The following GCSAML variants were observed in gnomAD, a reference collection of about 807,000 sequenced individuals.
GCSAML encodes germinal center associated signaling and motility like.
In GCSAML, 9 loss-of-function variants were observed where a neutral mutation model predicts 13.0. The observed-to-expected ratio is 0.69, with a 90% CI of 0.42 to 1.21. The LOEUF is 1.21. GCSAML is among the 50% of genes most tolerant of loss of function. The pLI is 0.00. For missense variants in GCSAML, 143 were observed against 153.4 expected, an observed-to-expected ratio of 0.93 and a Z score of 0.36; for synonymous variants, 37 against 52.9, an observed-to-expected ratio of 0.70 and a Z score of 1.31.
In GCSAML at chr1:247,575,938, A is replaced by T. The variant is rs534346214; in HGVS notation, c.*1556A>T. 52 of 152,304 alleles carry T rather than the reference A, an allele frequency of 3.4e-4. No homozygotes were observed. Among genetic ancestry groups the T allele is most frequent in the African/African-American group, 1.2e-3 (50 of 41,576 alleles). 9.4% of individuals were successfully genotyped at this position (152,304 alleles called of 1,614,324 possible). A position where few individuals can be genotyped will look rare whatever the true frequency, so the allele number is the denominator to read the frequency against. On this transcript the variant is annotated 3_prime_UTR_variant, in exon 5 of 5. Coordinates refer to ENST00000366488, the MANE Select transcript of GCSAML (RefSeq NM_145278.5). ...AAAAGCCTTAATTGACAATGCATTC[A>T]TTATATATTTTTTTGTATAGTTACA...
chr1:247,541,692 G>T (rs1302415938), intron 2 of GCSAML, among the ~76,000 whole-genome samples: 2 of 152,214 alleles, frequency 1.3e-5, no homozygotes, highest in African/African-American at 4.8e-5. Flanking sequence ...TTTAAGAATG[G>T]CAGAGGACTC....
At chr1:247,531,782 A>G (rs1666973463) in intron 2 of GCSAML, 1 of 1,614,072 alleles carries the variant, frequency 6.2e-7, no homozygotes, top group African/African-American at 1.3e-5. Context: ...GCCACGTGGG[A>G]AGAACAGGTG....
intron 1 of GCSAML, among the ~76,000 whole-genome samples, chr1:247,553,593 T>C (rs1667852339): frequency 6.6e-6 from 1 of 152,204 alleles, no homozygotes. Context: ...ATTCTACTTT[T>C]TAAAAAAATA....
intron 1 of GCSAML, among the ~76,000 whole-genome samples, chr1:247,513,861 A>G (rs1666125511): frequency 6.6e-6 from 1 of 152,120 alleles, no homozygotes; most frequent in South Asian, 2.1e-4. Context: ...AACCAGTCCC[A>G]GTGAGATGAG....
chr1:247,511,922 C>G (rs1666052808), intron 1 of GCSAML, among the ~76,000 whole-genome samples: 2 of 152,202 alleles, frequency 1.3e-5, no homozygotes, highest in Non-Finnish European at 2.9e-5. Flanking sequence ...CGACCTTTCT[C>G]TCTGACTGCC....
chr1:247,565,901 T>G (rs1040737037), intron 3 of GCSAML, 30 bp from the exon 4 acceptor site: 1 of 1,537,604 alleles, frequency 6.5e-7, no homozygotes, highest in Non-Finnish European at 8.8e-7. Flanking sequence ...CTTTCCTTTC[T>G]TTCTTTTTTT....
At chr1:247,531,685 G>T in intron 2 of GCSAML, 1 of 1,614,180 alleles carries the variant, frequency 6.2e-7, no homozygotes, top group East Asian at 2.2e-5. Flanking sequence ...GTAGAACAGA[G>T]CTATGAACTT....
intron 2 of GCSAML, among the ~76,000 whole-genome samples, chr1:247,562,920 A>G (rs933605351): frequency 1.3e-5 from 2 of 151,298 alleles, no homozygotes; most frequent in East Asian, 3.9e-4. Context: ...GCTCGCTGCA[A>G]CCTCTGCCTC....
chr1:247,528,496 A>G (rs1666777423), intron 2 of GCSAML: 1 of 152,222 alleles, frequency 6.6e-6, no homozygotes, highest in African/African-American at 2.4e-5. Flanking sequence ...CCCATATTTC[A>G]TGTTTAGCCA....
At chr1:247,550,905 A>G (rs1387578913) in intron 1 of GCSAML, among the ~76,000 whole-genome samples, 1 of 152,236 alleles carries the variant, frequency 6.6e-6, no homozygotes, top group Non-Finnish European at 1.5e-5. Context: ...AGCAAATTTT[A>G]AAAATGGATA....
chr1:247,551,123 A>G (rs914486685), intron 1 of GCSAML, among the ~76,000 whole-genome samples: 1 of 152,226 alleles, frequency 6.6e-6, no homozygotes, highest in Non-Finnish European at 1.5e-5. Context: ...AAGATAAGGC[A>G]GGTGCTAATG....
chr1:247,567,887 T>C (rs1315848340), intron 4 of GCSAML, among the ~76,000 whole-genome samples: 3 of 152,250 alleles, frequency 2.0e-5, no homozygotes, highest in Non-Finnish European at 4.4e-5. Context: ...CATGAGATGG[T>C]ATCTCATTGT....
intron 1 of GCSAML, among the ~76,000 whole-genome samples, chr1:247,512,838 G>A (rs1182791334): frequency 1.3e-5 from 2 of 152,158 alleles, no homozygotes; most frequent in African/African-American, 4.8e-5. Context: ...ATCACCAGCA[G>A]AGGCTGCAGA....
intron 1 of GCSAML, among the ~76,000 whole-genome samples, chr1:247,511,010 G>T (rs1447078310): frequency 6.6e-6 from 1 of 152,184 alleles, no homozygotes; most frequent in East Asian, 1.9e-4. Context: ...ATGTCTATCA[G>T]GTCCGCTTGG....
chr1:247,507,598 G>A (rs12143521), intron 1 of GCSAML, among the ~76,000 whole-genome samples: 21,265 of 152,074 alleles, frequency 0.14, 1,672 homozygotes, highest in South Asian at 0.25. Flanking sequence ...ATGTATACAC[G>A]TGCCATGGTG....
At chr1:247,536,893 T>C (rs1257579264) in intron 2 of GCSAML, among the ~76,000 whole-genome samples, 1 of 152,208 alleles carries the variant, frequency 6.6e-6, no homozygotes, top group Non-Finnish European at 1.5e-5. Context: ...ATTTTATTAT[T>C]GGTGTATACA....
At chr1:247,567,807 G>C (rs368232260) in intron 4 of GCSAML, among the ~76,000 whole-genome samples, 1 of 152,122 alleles carries the variant, frequency 6.6e-6, no homozygotes, top group Non-Finnish European at 1.5e-5. Flanking sequence ...GTGTAAAAGC[G>C]TTCCTATTTC....
At chr1:247,519,591 A>G (rs1050333241) in intron 1 of GCSAML, among the ~76,000 whole-genome samples, 2 of 152,248 alleles carry the variant, frequency 1.3e-5, no homozygotes, top group African/African-American at 4.8e-5. Context: ...GTCACTTACA[A>G]CATCAATTTA....
At chr1:247,522,343 C>T (rs1311275703) in intron 1 of GCSAML, among the ~76,000 whole-genome samples, 2 of 150,766 alleles carry the variant, frequency 1.3e-5, no homozygotes, top group Admixed American at 6.6e-5. Flanking sequence ...AGGTGGGGGA[C>T]GCCTCTGCCC....
Sources: gnomAD v4.1 joint callset for allele counts (sites outside exome capture counted in the v4.1 genomes callset) on GRCh38, gnomAD v4.1.1 for gene constraint, MANE v1.5 for transcripts, NCBI Gene and HGNC (gene_info 2026-07-23, HGNC 2026-07-21) for gene names.